NF1: variants seen among roughly 807,000 people sequenced by gnomAD.
The protein encoded by NF1 is neurofibromin 1, also known as neurofibromin.
In NF1, 122 loss-of-function variants were observed where a neutral mutation model predicts 325.7. The ratio of observed to expected loss-of-function variants is 0.37; its 90% confidence interval spans 0.32 to 0.44. The LOEUF (loss-of-function observed/expected upper bound fraction) is 0.44, where lower values mean the gene tolerates loss of function less well. NF1 is among the 20% of genes least tolerant of loss of function. The pLI is 1.00. For synonymous variants in NF1, 1,091 were observed against 1,186.0 expected, an observed-to-expected ratio of 0.92 and a Z score of 1.65; for missense variants, 2,140 against 3,415.4, an observed-to-expected ratio of 0.63 and a Z score of 9.31.
rs145657598 is a variant in NF1, at chr17:31,145,347, C to A, written c.61-10636C>A. Among the ~76,000 whole-genome samples, 4 of 152,308 alleles carry A rather than the reference C, an allele frequency of 2.6e-5. No homozygotes were observed. The East Asian group carries it at 7.7e-4, about 29-fold the overall frequency. ...AGCTGGGACTGCACGCATGTACCAC[C>A]ATGCCTGGCTAATTTTTGTATTTTT... On this transcript the variant is annotated intron_variant, in intron 1 of 57. Transcript: ENST00000358273.
intron 1 of NF1, among the ~76,000 whole-genome samples, chr17:31,108,698 A>G (rs531150840): frequency 6.6e-6 from 1 of 152,268 alleles, no homozygotes; most frequent in South Asian, 2.1e-4. Flanking sequence ...GCAATCCTAT[A>G]TATCATTTCA....
intron 57 of NF1, among the ~76,000 whole-genome samples, chr17:31,365,467 C>T (rs1288506171): frequency 6.6e-6 from 1 of 151,982 alleles, no homozygotes; most frequent in Non-Finnish European, 1.5e-5. Flanking sequence ...TATTAGAATC[C>T]TTGATCACCA....
At chr17:31,294,156 A>T (rs1355679719) in intron 36 of NF1, among the ~76,000 whole-genome samples, 1 of 152,174 alleles carries the variant, frequency 6.6e-6, no homozygotes, top group Non-Finnish European at 1.5e-5. Context: ...TGATTTGTAA[A>T]AGATAAATTT....
chr17:31,173,932 G>A (rs2065974990), intron 5 of NF1, among the ~76,000 whole-genome samples: 1 of 152,202 alleles, frequency 6.6e-6, no homozygotes, highest in Admixed American at 6.5e-5. Flanking sequence ...TCATTATTTG[G>A]AAATCAGTGG....
chr17:31,278,348 G>A (rs2068046274), intron 36 of NF1: 1 of 148,756 alleles, frequency 6.7e-6, no homozygotes, highest in Admixed American at 6.7e-5. Context: ...TTTTACTTTA[G>A]AAACAGGTCC....
intron 4 of NF1, among the ~76,000 whole-genome samples, chr17:31,165,355 C>T (rs2065827570): frequency 1.3e-5 from 2 of 152,154 alleles, no homozygotes; most frequent in South Asian, 4.1e-4. Context: ...TTTCAGACAA[C>T]TGCATTTTCA....
chr17:31,114,539 A>G (rs1203176991), intron 1 of NF1, among the ~76,000 whole-genome samples: 1 of 146,494 alleles, frequency 6.8e-6, no homozygotes, highest in African/African-American at 2.7e-5. Context: ...CTGTCTCACA[A>G]AAAAGAATAA....
chr17:31,296,020 C>T lies in NF1; in HGVS notation c.4836-29800C>T, dbSNP rs746564113. 23 of 1,614,000 alleles carry T rather than the reference C, an allele frequency of 1.4e-5. No individual in the cohort carries two copies. In the South Asian group the frequency reaches 1.5e-4, roughly 11 times the overall value. ...GTTTAATGTTGTTGTTAGCAGCAGA[C>T]ATGTTCCACAGAGACCGAGGTAAGT... On this transcript the variant is annotated intron_variant, in intron 36 of 57. Transcript: ENST00000358273.
At position 31,267,494 on chromosome 17, in the gene NF1, T is replaced by A. The variant is rs369288383; in HGVS notation, c.4835+2155T>A. Among the ~76,000 whole-genome samples, 107 of 152,298 alleles carry A rather than the reference T, an allele frequency of 7.0e-4. 3 individuals are homozygous for A. In the South Asian group the frequency reaches 0.022, roughly 31 times the overall value. On this transcript the variant is annotated intron_variant, in intron 36 of 57. Transcript: ENST00000358273. ...GCTCCTCCTGACCTTCATTTTCACCTGGTGTGAAGCCTAGCTCCAAGACAG... is the reference window on the plus strand; with the variant it reads ...GCTCCTCCTGACCTTCATTTTCACCAGGTGTGAAGCCTAGCTCCAAGACAG...
intron 50 of NF1, among the ~76,000 whole-genome samples, chr17:31,351,944 G>A (rs2070157674): frequency 6.6e-6 from 1 of 151,160 alleles, no homozygotes; most frequent in Non-Finnish European, 1.5e-5. Flanking sequence ...TAATTCCAGT[G>A]TGGCCCAGGA....
chr17:31,135,815 G>A (rs1269274247), intron 1 of NF1, among the ~76,000 whole-genome samples: 2 of 151,904 alleles, frequency 1.3e-5, no homozygotes, highest in East Asian at 1.9e-4. Context: ...GAGCTCAAGC[G>A]ATCCACCTGC....
chr17:31,156,103 A>G lies in NF1; in HGVS notation c.181A>G (p.Ile61Val), dbSNP rs754295034. The G allele has an allele frequency of 2.5e-5, 41 of 1,613,598 alleles. No homozygotes were observed. Among genetic ancestry groups the G allele is most frequent in the African/African-American group, 4.0e-5 (3 of 74,874 alleles). ...FSLVISGLTT[I>V]LKNVNNMRIF... ...TTTGGTTATAAGCGGCCTCACTACT[A>G]TTTTAAAGAATGTTAACAATATGGT... The change falls in exon 2 of 58, where the codon ATT becomes GTT. Residue 61 changes from isoleucine (I) to valine (V), a missense_variant. This residue lies in a region of NF1 where 246 missense variants were observed against 347.8 expected (regional missense o/e 0.71). Coordinates refer to ENST00000358273, the MANE Select transcript of NF1 (RefSeq NM_001042492.3).
At chr17:31,358,799 T>C (rs745714408) in intron 55 of NF1, 170 bp from the exon 56 acceptor site, 146 of 1,050,900 alleles carry the variant, frequency 1.4e-4, no homozygotes, top group Admixed American at 3.8e-4. Context: ...GACAACTTTT[T>C]ATGCTGAGTA....
At position 31,336,294 on chromosome 17, in the gene NF1, A is replaced by G. The variant is rs1224783243; in HGVS notation, c.6007-39A>G. The G allele has an allele frequency of 6.2e-7, 1 of 1,602,752 alleles. No homozygotes were observed. Among genetic ancestry groups the G allele is most frequent in the Non-Finnish European group, 8.5e-7 (1 of 1,170,640 alleles). On this transcript the variant is annotated intron_variant, in intron 40 of 57. Transcript: ENST00000358273. The surrounding 1 kb of genome is among the most constrained non-coding windows in gnomAD (Gnocchi z 5.5). Reference sequence around the variant, plus strand: ...TTTTTTAATTAAAAATTAAATTGGTAGAGTGATTAAAAACATGTTATTTTC... The same window carrying G: ...TTTTTTAATTAAAAATTAAATTGGTGGAGTGATTAAAAACATGTTATTTTC...
intron 1 of NF1, among the ~76,000 whole-genome samples, chr17:31,132,033 C>T (rs1243135187): frequency 6.6e-6 from 1 of 152,100 alleles, no homozygotes; most frequent in Non-Finnish European, 1.5e-5. Context: ...TGGGCTCAAG[C>T]AGTCCTCCCA....
chr17:31,361,424 C>T (rs1270099865), intron 57 of NF1: 1 of 152,216 alleles, frequency 6.6e-6, no homozygotes, highest in Non-Finnish European at 1.5e-5. Context: ...TCATACAACT[C>T]TGGTTGACCC....
intron 36 of NF1, chr17:31,314,160 A>C (rs2151520933): frequency 2.5e-6 from 1 of 395,282 alleles, no homozygotes; most frequent in South Asian, 1.3e-4. Flanking sequence ...AAGTGCAATA[A>C]ACCACAAAGT....
At chr17:31,282,763 G>C (rs2068145427) in intron 36 of NF1, among the ~76,000 whole-genome samples, 1 of 152,118 alleles carries the variant, frequency 6.6e-6, no homozygotes, top group Admixed American at 6.6e-5. Context: ...TATGCATTCA[G>C]TTTTTTTAGA....
At chr17:31,199,317 T>C (rs999388683) in intron 8 of NF1, among the ~76,000 whole-genome samples, 1 of 152,220 alleles carries the variant, frequency 6.6e-6, no homozygotes, top group Admixed American at 6.5e-5. Context: ...CTAATTTCCT[T>C]TGTGATTTTT....
Sources: gnomAD v4.1 joint callset for allele counts (sites outside exome capture counted in the v4.1 genomes callset) on GRCh38, gnomAD v4.1.1 for gene constraint, gnomAD v4.1.1 regional missense constraint, Gnocchi (gnomAD v3.1) non-coding constraint, MANE v1.5 for transcripts, NCBI Gene and HGNC (gene_info 2026-07-23, HGNC 2026-07-21) for gene names.